The following FAM107B variants were observed in gnomAD, a reference collection of about 807,000 sequenced individuals.
FAM107B encodes the protein protein FAM107B.
Under a neutral mutation model 31.5 loss-of-function variants are expected in FAM107B, and 21 were observed. The ratio of observed to expected loss-of-function variants is 0.67; its 90% CI spans 0.47 to 0.96. FAM107B has a LOEUF of 0.96. Ranked by LOEUF, FAM107B falls within the 40% of genes least tolerant of loss-of-function variation. The pLI is 0.00. For missense variants in FAM107B, 452 were observed against 377.1 expected, an observed-to-expected ratio of 1.20 and a Z score of -1.64; for synonymous variants, 157 against 141.5, an observed-to-expected ratio of 1.11 and a Z score of -0.78.
Position 14,755,522 on chromosome 10 carries a change from A to C in FAM107B, c.411+18731T>G, listed in dbSNP as rs968379919. Reference sequence around the variant, plus strand: ...AAAAAAAAAAAAAAGAAAAAAGAAAAGAAAGTAAGATTCCCCAGGCAAAGG... The same window carrying C: ...AAAAAAAAAAAAAAGAAAAAAGAAACGAAAGTAAGATTCCCCAGGCAAAGG... On this transcript the variant is annotated intron_variant, in intron 1 of 4. Coordinates refer to ENST00000181796, the MANE Select transcript of FAM107B (RefSeq NM_031453.4). Among the ~76,000 whole-genome samples the C allele has an allele frequency of 1.1e-4, 17 of 152,088 alleles. No individual in the cohort carries two copies. The East Asian group carries it at 3.3e-3, about 29-fold the overall frequency.
intron 1 of FAM107B, among the ~76,000 whole-genome samples, chr10:14,727,419 C>T (rs959761957): frequency 6.6e-6 from 1 of 152,234 alleles, no homozygotes; most frequent in Non-Finnish European, 1.5e-5. Context: ...TGTGTTCCAG[C>T]CTGGACTTGC....
At chr10:14,618,209 G>A (rs190458925) in intron 2 of FAM107B, among the ~76,000 whole-genome samples, 6 of 152,258 alleles carry the variant, frequency 3.9e-5, no homozygotes, top group South Asian at 2.1e-4. Flanking sequence ...ACGCTTTTGA[G>A]ATTTCTCTAT....
At chr10:14,711,488 C>T (rs1029024726) in intron 1 of FAM107B, among the ~76,000 whole-genome samples, 3 of 152,178 alleles carry the variant, frequency 2.0e-5, no homozygotes, top group Non-Finnish European at 2.9e-5. Flanking sequence ...AGTACAGTCA[C>T]ATGCTACACA....
chr10:14,774,278 C>A lies in FAM107B; in HGVS notation c.386G>T (p.Arg129Ile). ...CTTGGGCGTGTCAATAATTGATGGT[C>A]TGGGGATGGAAGCGTGAAACACCAC... ...EAVVFHASIP[R>I]PSIIDTPKEE... Residue 129 changes from arginine (R) to isoleucine (I), a missense_variant, in exon 1 of 5, where the codon AGA becomes ATA. Coordinates refer to ENST00000181796, the MANE Select transcript of FAM107B (RefSeq NM_031453.4). 1 of 1,612,816 alleles carries A rather than the reference C, an allele frequency of 6.2e-7. No individual in the cohort carries two copies. The highest frequency in any genetic ancestry group is 1.1e-5 in the South Asian group (1 of 90,964).
intron 2 of FAM107B, among the ~76,000 whole-genome samples, chr10:14,658,121 T>C (rs1854118598): frequency 6.6e-6 from 1 of 152,212 alleles, no homozygotes; most frequent in African/African-American, 2.4e-5. Flanking sequence ...CCTTCATTTC[T>C]TGGGAAGAAT....
chr10:14,757,052 T>C (rs1378285175), intron 1 of FAM107B, among the ~76,000 whole-genome samples: 1 of 152,136 alleles, frequency 6.6e-6, no homozygotes, highest in African/African-American at 2.4e-5. Flanking sequence ...AACTAATGGG[T>C]ACTAGGCTTA....
intron 1 of FAM107B, among the ~76,000 whole-genome samples, chr10:14,724,359 T>A (rs1257462227): frequency 2.0e-5 from 3 of 152,250 alleles, no homozygotes; most frequent in African/African-American, 7.2e-5. Context: ...TTGAAACCAC[T>A]ATTATTTCTC....
At chr10:14,544,965 G>A (rs1339363275) in intron 2 of FAM107B, among the ~76,000 whole-genome samples, 2 of 152,114 alleles carry the variant, frequency 1.3e-5, no homozygotes, top group East Asian at 3.8e-4. Flanking sequence ...TCATCCCAGG[G>A]TCCGAGGCAT....
At chr10:14,629,393 T>TA (rs1564606713) in intron 2 of FAM107B, among the ~76,000 whole-genome samples, 23 of 26,964 alleles carry the variant, frequency 8.5e-4, no homozygotes, top group Admixed American at 7.4e-3. Context: ...ATATATATAA[T>TA]ATATATTATA....
intron 3 of FAM107B, among the ~76,000 whole-genome samples, chr10:14,526,417 C>G (rs12570247): frequency 0.022 from 3,390 of 152,326 alleles, 63 homozygotes; most frequent in East Asian, 0.089. Flanking sequence ...CTCAGGTGAT[C>G]TGCCTGCCTC....
At chr10:14,643,437 T>G (rs1181537236) in intron 2 of FAM107B, among the ~76,000 whole-genome samples, 1 of 146,172 alleles carries the variant, frequency 6.8e-6, no homozygotes, top group Non-Finnish European at 1.5e-5. Flanking sequence ...TGAGACAGAG[T>G]CTGATGCTGT....
intron 2 of FAM107B, among the ~76,000 whole-genome samples, chr10:14,622,797 G>T (rs1588664519): frequency 1.3e-5 from 2 of 152,188 alleles, no homozygotes; most frequent in East Asian, 3.8e-4. Context: ...TTGAGCATTT[G>T]TGTCCCAGTT....
intron 2 of FAM107B, among the ~76,000 whole-genome samples, chr10:14,595,310 T>C (rs1245836454): frequency 6.6e-6 from 1 of 151,920 alleles, no homozygotes; most frequent in African/African-American, 2.4e-5. Context: ...AATCTCGCAA[T>C]GAGAGTAAAT....
chr10:14,712,626 A>AAAAAAAAAAAAAAG (rs1554851690), intron 1 of FAM107B, among the ~76,000 whole-genome samples: 14 of 146,844 alleles, frequency 9.5e-5, no homozygotes, highest in African/African-American at 2.3e-4. Flanking sequence ...AACAAAAAAA[A>AAAAAAAAAAAAAAG]AAGAAGAAGA....
At chr10:14,750,534 C>T (rs933511592) in intron 1 of FAM107B, among the ~76,000 whole-genome samples, 1 of 152,160 alleles carries the variant, frequency 6.6e-6, no homozygotes, top group Admixed American at 6.5e-5. Context: ...ATCGCTTGAA[C>T]CCGGGAGGGG....
chr10:14,675,828 G>A (rs1026239698), intron 1 of FAM107B, among the ~76,000 whole-genome samples: 2 of 152,144 alleles, frequency 1.3e-5, no homozygotes, highest in Non-Finnish European at 2.9e-5. Flanking sequence ...GAATGTTTCA[G>A]CAAGTTAATG....
intron 1 of FAM107B, among the ~76,000 whole-genome samples, chr10:14,747,481 T>A (rs1352133588): frequency 1.3e-5 from 2 of 152,198 alleles, no homozygotes. Flanking sequence ...TTGTAAGGAT[T>A]TTTTTGTTGA....
At chr10:14,577,361 C>T (rs1055155286) in intron 2 of FAM107B, among the ~76,000 whole-genome samples, 9 of 152,196 alleles carry the variant, frequency 5.9e-5, no homozygotes, top group Non-Finnish European at 1.3e-4. Flanking sequence ...AACGTATTCT[C>T]GATGTGTGCT....
Position 14,753,865 on chromosome 10 carries a change from C to CA in FAM107B, c.411+20387dup, listed in dbSNP as rs572297979. On this transcript the variant is annotated intron_variant, in intron 1 of 4. Transcript: ENST00000181796. ...TTCCCCCCACCTATATAAAATATAA[C>CA]AAATACTATGGCTAAAAAAAAAATC... is the stretch of plus-strand genomic sequence containing the variant. 4.7e-5 allele frequency among the ~76,000 whole-genome samples: 7 copies of CA among 149,976 alleles called. No homozygotes were observed. In the South Asian group the frequency reaches 1.5e-3, roughly 32 times the overall value.
Sources: gnomAD v4.1 joint callset for allele counts (sites outside exome capture counted in the v4.1 genomes callset) on GRCh38, gnomAD v4.1.1 for gene constraint, MANE v1.5 for transcripts, NCBI Gene and HGNC (gene_info 2026-07-23, HGNC 2026-07-21) for gene names.